The following MCTP1 variants were observed in gnomAD, a reference collection of about 807,000 sequenced individuals.
MCTP1 encodes multiple C2 and transmembrane domain containing 1.
MCTP1 carries 69 observed loss-of-function variants against 120.6 expected under a neutral mutation model. The ratio of observed to expected loss-of-function variants is 0.57; its 90% CI spans 0.47 to 0.70. The LOEUF (loss-of-function observed/expected upper bound fraction) is 0.70, where lower values mean the gene tolerates loss of function less well. Among genes scored for constraint, MCTP1 ranks in the 30% least tolerant of loss-of-function variants. MCTP1 has a pLI of 0.00. For missense variants in MCTP1, 1,203 were observed against 1,248.8 expected, an observed-to-expected ratio of 0.96 and a Z score of 0.55; for synonymous variants, 529 against 493.1, an observed-to-expected ratio of 1.07 and a Z score of -0.96.
intron 1 of MCTP1, among the ~76,000 whole-genome samples, chr5:95,176,000 C>T (rs1747929267): frequency 6.6e-6 from 1 of 152,152 alleles, no homozygotes; most frequent in Non-Finnish European, 1.5e-5. Flanking sequence ...AGAAATCTGG[C>T]TCTAACACCA....
At chr5:95,103,852 A>G (rs1756915296) in intron 1 of MCTP1, among the ~76,000 whole-genome samples, 1 of 152,204 alleles carries the variant, frequency 6.6e-6, no homozygotes, top group African/African-American at 2.4e-5. Flanking sequence ...CTATGAGCAC[A>G]ATGGCTTGAA....
chr5:94,780,753 C>T (rs1479832719), intron 18 of MCTP1, among the ~76,000 whole-genome samples: 2 of 152,160 alleles, frequency 1.3e-5, no homozygotes, highest in Non-Finnish European at 2.9e-5. Context: ...GTCCAAGGCA[C>T]ATAGTGCTAG....
intron 7 of MCTP1, among the ~76,000 whole-genome samples, chr5:94,921,365 T>G (rs1273160186): frequency 6.6e-6 from 1 of 152,254 alleles, no homozygotes; most frequent in Non-Finnish European, 1.5e-5. Flanking sequence ...CAAGTAGCAC[T>G]GATGTTCCAG....
At chr5:95,056,451 T>G (rs370935775) in intron 1 of MCTP1, among the ~76,000 whole-genome samples, 54 of 152,314 alleles carry the variant, frequency 3.5e-4, no homozygotes, top group African/African-American at 1.2e-3. Flanking sequence ...GTATATAATC[T>G]AGGTAAAATG....
chr5:94,835,179 G>C (rs1321640707), intron 17 of MCTP1, among the ~76,000 whole-genome samples: 2 of 152,192 alleles, frequency 1.3e-5, no homozygotes, highest in African/African-American at 4.8e-5. Flanking sequence ...TTAAGGGTTT[G>C]AGCATTGGGG....
chr5:94,739,104 A>C (rs981041364), intron 19 of MCTP1: 8 of 152,282 alleles, frequency 5.3e-5, no homozygotes, highest in African/African-American at 1.9e-4. Flanking sequence ...TATGGTGAAA[A>C]TTGTGTTTAA....
chr5:95,014,115 A>G (rs143986987), intron 2 of MCTP1, among the ~76,000 whole-genome samples: 1 of 152,156 alleles, frequency 6.6e-6, no homozygotes, highest in Non-Finnish European at 1.5e-5. Context: ...AAGAAAAAAA[A>G]TAGCCGGGCA....
chr5:95,253,399 CA>C (rs1562279691), intron 1 of MCTP1, among the ~76,000 whole-genome samples: 1 of 151,976 alleles, frequency 6.6e-6, no homozygotes, highest in African/African-American at 2.4e-5. Flanking sequence ...TAATTCCATT[CA>C]AAACAAGAAG....
chr5:94,833,717 T>C (rs990516375), intron 17 of MCTP1, among the ~76,000 whole-genome samples: 7 of 152,196 alleles, frequency 4.6e-5, no homozygotes, highest in Non-Finnish European at 8.8e-5. Flanking sequence ...TTCTGTTAAA[T>C]GTATTAATAT....
intron 17 of MCTP1, among the ~76,000 whole-genome samples, chr5:94,847,131 T>C (rs1792570514): frequency 6.6e-6 from 1 of 152,148 alleles, no homozygotes; most frequent in Non-Finnish European, 1.5e-5. Context: ...CAGCATCACC[T>C]AGAAACTTTA....
rs779617497 is a variant in MCTP1, at chr5:95,068,806, C to T, written c.721-51322G>A. 16 of 1,280,020 alleles carry T rather than the reference C, an allele frequency of 1.2e-5. No individual in the cohort carries two copies. In the African/African-American group the frequency reaches 1.7e-4, roughly 13 times the overall value. The allele number at this position is 1,280,020 out of a possible 1,614,324, so 79.3% of individuals were successfully genotyped here. Reference sequence around the variant, plus strand: ...TTACGTTTACTGCATTTAGTCTGTCCTTTCCAATCTTACCATACAGGGTCT... The same window carrying T: ...TTACGTTTACTGCATTTAGTCTGTCTTTTCCAATCTTACCATACAGGGTCT... On this transcript the variant is annotated intron_variant, in intron 1 of 22. Transcript: ENST00000515393.
intron 1 of MCTP1, among the ~76,000 whole-genome samples, chr5:95,178,231 TC>T (rs1045377999): frequency 2.0e-5 from 3 of 152,202 alleles, no homozygotes; most frequent in Non-Finnish European, 4.4e-5. Flanking sequence ...GACAGGCCTA[TC>T]CTTGTCCCCA....
intron 17 of MCTP1, among the ~76,000 whole-genome samples, chr5:94,813,002 A>G (rs1285629271): frequency 1.3e-5 from 2 of 152,044 alleles, no homozygotes; most frequent in Non-Finnish European, 2.9e-5. Flanking sequence ...AGTTAAAAAC[A>G]TTTGTGCTCC....
At chr5:94,939,184 A>G (rs1159478220) in intron 5 of MCTP1, among the ~76,000 whole-genome samples, 2 of 152,042 alleles carry the variant, frequency 1.3e-5, no homozygotes, top group African/African-American at 4.8e-5. Context: ...GTTGTAATTC[A>G]CTATTTTTAC....
chr5:95,171,256 T>A (rs576030128), intron 1 of MCTP1, among the ~76,000 whole-genome samples: 2 of 152,220 alleles, frequency 1.3e-5, no homozygotes, highest in Non-Finnish European at 2.9e-5. Context: ...TCTTCTGGCT[T>A]GTAGAGTTTC....
chr5:95,213,024 CAGG>C (rs1752587894), intron 1 of MCTP1, among the ~76,000 whole-genome samples: 2 of 152,080 alleles, frequency 1.3e-5, no homozygotes, highest in African/African-American at 4.8e-5. Context: ...GTCAATTAGG[CAGG>C]AGAAGGAAAT....
intron 1 of MCTP1, among the ~76,000 whole-genome samples, chr5:95,042,054 C>G (rs1490641869): frequency 6.6e-6 from 1 of 152,180 alleles, no homozygotes; most frequent in Middle Eastern, 3.2e-3. Context: ...ATCTTGTTTT[C>G]TCAAACTTAC....
intron 19 of MCTP1, among the ~76,000 whole-genome samples, chr5:94,766,640 G>A (rs952957326): frequency 3.3e-5 from 5 of 151,418 alleles, no homozygotes; most frequent in African/African-American, 4.9e-5. Context: ...CCTGCACGTT[G>A]TGCACATGTA....
chr5:95,121,152 C>A (rs1758200485), intron 1 of MCTP1, among the ~76,000 whole-genome samples: 1 of 151,772 alleles, frequency 6.6e-6, no homozygotes, highest in Admixed American at 6.6e-5. Context: ...GTGGCGGGTG[C>A]CTGTAGTCCC....
Sources: allele counts gnomAD v4.1 joint callset (sites outside exome capture counted in the v4.1 genomes callset), GRCh38; gene constraint gnomAD v4.1.1; transcripts MANE v1.5; gene names NCBI Gene and HGNC (gene_info 2026-07-23, HGNC 2026-07-21).